Variants in FHIP1A observed in about 807,000 individuals in gnomAD.
FHIP1A encodes the protein FHF complex subunit HOOK interacting protein 1A.
FHIP1A carries 61 observed loss-of-function variants against 88.6 expected under a neutral mutation model. That is an observed-to-expected ratio of 0.69 (90% CI 0.56 to 0.85). The LOEUF (loss-of-function observed/expected upper bound fraction) is 0.85, where lower values mean the gene tolerates loss of function less well. Among genes scored for constraint, FHIP1A ranks in the 40% least tolerant of loss-of-function variants. The pLI is 0.00. For synonymous variants in FHIP1A, 478 were observed against 496.0 expected, an observed-to-expected ratio of 0.96 and a Z score of 0.48; for missense variants, 1,154 against 1,273.5, an observed-to-expected ratio of 0.91 and a Z score of 1.43.
At chr4:151,430,874 A>G (rs1238283994) in intron 1 of FHIP1A, among the ~76,000 whole-genome samples, 1 of 152,232 alleles carries the variant, frequency 6.6e-6, no homozygotes, top group Non-Finnish European at 1.5e-5. Flanking sequence ...ACGGGCAGTA[A>G]CAAAAGTTCT....
chr4:151,521,411 C>T (rs906708982), intron 3 of FHIP1A, among the ~76,000 whole-genome samples: 8 of 151,930 alleles, frequency 5.3e-5, no homozygotes, highest in East Asian at 1.9e-4. Context: ...TTGCATTTAC[C>T]ATAACAACAA....
chr4:151,438,293 G>A (rs111315525), intron 1 of FHIP1A, among the ~76,000 whole-genome samples: 2,105 of 152,132 alleles, frequency 0.014, 46 homozygotes, highest in African/African-American at 0.049. Context: ...GATACTCTCC[G>A]AGATGTTTGC....
chr4:151,592,469 G>A (rs1057225465), intron 7 of FHIP1A, among the ~76,000 whole-genome samples: 2 of 152,168 alleles, frequency 1.3e-5, no homozygotes, highest in Admixed American at 1.3e-4. Flanking sequence ...ATTCTAACTG[G>A]CGTGACATGG....
intron 8 of FHIP1A, 49 bp downstream of exon 8, chr4:151,629,918 A>C: frequency 2.1e-6 from 3 of 1,427,132 alleles, no homozygotes; most frequent in Non-Finnish European, 2.8e-6. Context: ...AACAGATTTC[A>C]GGAGAGTTTT....
rs572233078 is a variant in FHIP1A at position 151,526,321 on chromosome 4, C to T, written c.-122-39817C>T. On this transcript the variant is annotated intron_variant, in intron 3 of 13. Transcript: ENST00000435205. Reference sequence around the variant, plus strand: ...GCCGGGCAGAGGAGCTCCTCACTTCCCAGTAGGGGCGGCCGGGCAGAGGCG... The same window carrying T: ...GCCGGGCAGAGGAGCTCCTCACTTCTCAGTAGGGGCGGCCGGGCAGAGGCG... Among the ~76,000 whole-genome samples, 12 of 151,970 alleles carry T rather than the reference C, an allele frequency of 7.9e-5. No homozygotes were observed. The East Asian group carries it at 2.1e-3, about 27-fold the overall frequency.
chr4:151,539,122 G>A (rs554148422), intron 3 of FHIP1A, among the ~76,000 whole-genome samples: 9 of 152,256 alleles, frequency 5.9e-5, no homozygotes, highest in African/African-American at 1.2e-4. Context: ...TTTCAAAAAC[G>A]ATGACTCTGT....
At chr4:151,524,082 C>T (rs900506578) in intron 3 of FHIP1A, among the ~76,000 whole-genome samples, 17 of 151,966 alleles carry the variant, frequency 1.1e-4, no homozygotes, top group Admixed American at 4.6e-4. Flanking sequence ...GAGACCGAGG[C>T]GGGCAGATCA....
intron 3 of FHIP1A, among the ~76,000 whole-genome samples, chr4:151,524,788 A>AC (rs940730242): frequency 1.3e-5 from 2 of 152,226 alleles, no homozygotes; most frequent in Non-Finnish European, 2.9e-5. Context: ...GATGCAAGAG[A>AC]CACCTGCTGA....
At chr4:151,440,470 G>A (rs1728363313) in intron 1 of FHIP1A, among the ~76,000 whole-genome samples, 1 of 152,142 alleles carries the variant, frequency 6.6e-6, no homozygotes, top group Non-Finnish European at 1.5e-5. Flanking sequence ...GTCATCTCCA[G>A]TTCTTTTCTG....
rs556458954 is a variant in FHIP1A, at chr4:151,670,242, GC to G, written c.*7492del. 3 of 152,174 alleles carry G rather than the reference GC, an allele frequency of 2.0e-5. No homozygotes were observed. The South Asian group carries it at 6.2e-4, about 32-fold the overall frequency. The allele number at this position is 152,174 out of a possible 1,614,324, so 9.4% of individuals were successfully genotyped here. A position where few individuals can be genotyped will look rare whatever the true frequency, so the allele number is the denominator to read the frequency against. ...TGTCGCAAGCACAGGAGTGCAGACA[GC>G]CCCGCCTTCATCGTGATGCCTGCAG... On this transcript the variant is annotated 3_prime_UTR_variant, in exon 14 of 14. Coordinates refer to ENST00000435205, the MANE Select transcript of FHIP1A (RefSeq NM_001109977.3).
chr4:151,626,207 A>G (rs926726913), intron 7 of FHIP1A, among the ~76,000 whole-genome samples: 2 of 152,202 alleles, frequency 1.3e-5, no homozygotes, highest in African/African-American at 4.8e-5. Context: ...TTTCTATTGG[A>G]ATCTGGTCTA....
At chr4:151,560,230 GCAT>G (rs1733118980) in intron 3 of FHIP1A, among the ~76,000 whole-genome samples, 1 of 152,158 alleles carries the variant, frequency 6.6e-6, no homozygotes, top group Non-Finnish European at 1.5e-5. Context: ...CAAAAGGTAA[GCAT>G]CACATCATCT....
chr4:151,540,814 T>C (rs1663855091), intron 3 of FHIP1A, among the ~76,000 whole-genome samples: 1 of 152,218 alleles, frequency 6.6e-6, no homozygotes, highest in Non-Finnish European at 1.5e-5. Flanking sequence ...ATTCCCAGAC[T>C]TCTCAGGGCT....
chr4:151,640,794 C>T (rs950445102), intron 9 of FHIP1A, among the ~76,000 whole-genome samples: 1 of 152,094 alleles, frequency 6.6e-6, no homozygotes, highest in Non-Finnish European at 1.5e-5. Context: ...TGTTCAGTGG[C>T]CTTTAGAAGG....
intron 2 of FHIP1A, among the ~76,000 whole-genome samples, chr4:151,471,867 G>A (rs1377831746): frequency 3.3e-5 from 5 of 152,086 alleles, no homozygotes; most frequent in Admixed American, 3.3e-4. Context: ...AACATACAAT[G>A]TTTGTTTTTT....
chr4:151,574,058 G>A (rs1267955565), intron 4 of FHIP1A, among the ~76,000 whole-genome samples: 1 of 152,214 alleles, frequency 6.6e-6, no homozygotes, highest in Admixed American at 6.5e-5. Flanking sequence ...TGTAAAAGCA[G>A]GTCATGGGTG....
At chr4:151,491,859 A>G (rs1403007894) in intron 3 of FHIP1A, among the ~76,000 whole-genome samples, 2 of 152,206 alleles carry the variant, frequency 1.3e-5, no homozygotes, top group Admixed American at 1.3e-4. Context: ...CTATTCTCAT[A>G]TCAGACAAAA....
chr4:151,641,847 G>A (rs192284379), intron 9 of FHIP1A, among the ~76,000 whole-genome samples: 149 of 152,266 alleles, frequency 9.8e-4, no homozygotes, highest in Non-Finnish European at 1.7e-3. Flanking sequence ...GTTTGTTGCT[G>A]CCACTGCAGT....
intron 3 of FHIP1A, among the ~76,000 whole-genome samples, chr4:151,514,482 A>G (rs1031519650): frequency 6.6e-6 from 1 of 151,440 alleles, no homozygotes; most frequent in African/African-American, 2.4e-5. Context: ...ATAGAGACAC[A>G]AAAAACCCTT....
Sources: gnomAD v4.1 joint callset for allele counts (sites outside exome capture counted in the v4.1 genomes callset) on GRCh38, gnomAD v4.1.1 for gene constraint, MANE v1.5 for transcripts, NCBI Gene and HGNC (gene_info 2026-07-23, HGNC 2026-07-21) for gene names.